ADRM1: variants seen among roughly 807,000 people sequenced by gnomAD.
The protein encoded by ADRM1 is proteasomal ubiquitin receptor ADRM1.
In ADRM1, 2 loss-of-function variants were observed where a neutral mutation model predicts 40.1. That is an observed-to-expected ratio of 0.05 (90% confidence interval 0.02 to 0.16). The LOEUF is 0.16. Among genes scored for constraint, ADRM1 ranks in the 10% least tolerant of loss-of-function variants. The probability of loss-of-function intolerance (pLI) is 1.00; values close to 1 mark genes in which losing one functional copy is unlikely to be tolerated. For synonymous variants in ADRM1, 287 were observed against 240.4 expected, an observed-to-expected ratio of 1.19 and a Z score of -1.79; for missense variants, 467 against 552.5, an observed-to-expected ratio of 0.85 and a Z score of 1.55.
chr20:62,308,172 C>A lies in ADRM1; in HGVS notation c.1008C>A (p.Phe336Leu). 6.2e-7 allele frequency: 1 copy of A among 1,602,550 alleles called. No homozygotes were observed. Among genetic ancestry groups the A allele is most frequent in the Non-Finnish European group, 8.5e-7 (1 of 1,178,038 alleles). Reference sequence around the variant, plus strand: ...AGAATACCCTGACCTCGCCCCAGTTCCAGCAGGTAGAGGCCGGGCCCAGGG... The same window carrying A: ...AGAATACCCTGACCTCGCCCCAGTTACAGCAGGTAGAGGCCGGGCCCAGGG... ...EIQNTLTSPQFQQALGMFSAA... is the reference protein window; with the variant it reads ...EIQNTLTSPQLQQALGMFSAA... Residue 336 changes from phenylalanine (F) to leucine (L), a missense_variant, in exon 8 of 10, where the codon TTC becomes TTA. Coordinates refer to ENST00000253003, the MANE Select transcript of ADRM1 (RefSeq NM_007002.4).
intron 2 of ADRM1, 55 bp downstream of exon 2, chr20:62,303,836 T>A (rs1984485102): frequency 1.3e-6 from 2 of 1,570,656 alleles, no homozygotes; most frequent in Non-Finnish European, 1.7e-6. Flanking sequence ...GCCCTCGGAG[T>A]CCTCGCTTTG....
chr20:62,305,050 A>G (rs1984695638), intron 3 of ADRM1, among the ~76,000 whole-genome samples: 2 of 152,250 alleles, frequency 1.3e-5, no homozygotes, highest in Admixed American at 1.3e-4. Context: ...CCACAGCTGC[A>G]GAGCGTCTTT....
At chr20:62,304,369 C>A (rs1984578815) in intron 2 of ADRM1, 92 bp from the exon 3 acceptor site, 1 of 1,113,970 alleles carries the variant, frequency 9.0e-7, no homozygotes, top group Non-Finnish European at 1.3e-6. Context: ...GCGCACCCCA[C>A]CCGGTTAGAC....
Position 62,308,311 on chromosome 20 carries a change from G to T in ADRM1, c.1015-57G>T, listed in dbSNP as rs1350329980. On this transcript the variant is annotated intron_variant, in intron 8 of 9. Coordinates refer to ENST00000253003, the MANE Select transcript of ADRM1 (RefSeq NM_007002.4). ...CCCGCAGAGCTGGCAGCTGAGCAGT[G>T]TGGCTCTGGGGTGCAGCCCGGGTTG... 3.2e-6 allele frequency: 5 copies of T among 1,552,206 alleles called. No homozygotes were observed. The East Asian group carries it at 1.2e-4, about 36-fold the overall frequency.
rs780652179 is a variant in ADRM1, at chr20:62,307,705, G to T, written c.733G>T (p.Ala245Ser). The T allele has an allele frequency of 1.2e-6, 2 of 1,612,042 alleles. No homozygotes were observed. The highest frequency in any genetic ancestry group is 1.7e-6 in the Non-Finnish European group (2 of 1,179,864). Residue 245 changes from alanine (A) to serine (S), a missense_variant, in exon 7 of 10, where the codon GCG becomes TCG. Around this residue, in one of 3 missense-constraint regions of ADRM1, gnomAD observed 418 missense variants for 474.6 expected, o/e 0.88. Coordinates refer to ENST00000253003, the MANE Select transcript of ADRM1 (RefSeq NM_007002.4). Reference protein sequence around the residue: ...AAASATSPSPAPSSGNGASTA... With the variant: ...AAASATSPSPSPSSGNGASTA... ...TGCCTCAGCAACTAGCCCGAGCCCC[G>T]CGCCCAGTTCCGGGAATGGAGCCAG... is the stretch of plus-strand genomic sequence containing the variant.
chr20:62,304,077 C>T (rs939064553), intron 2 of ADRM1: 17 of 513,032 alleles, frequency 3.3e-5, no homozygotes, highest in Admixed American at 2.1e-4. Context: ...GAGGTGTGGC[C>T]CTGGAGAGCC....
chr20:62,305,447 C>T (rs1477533133), intron 3 of ADRM1: 1 of 152,406 alleles, frequency 6.6e-6, no homozygotes, highest in African/African-American at 2.4e-5. Context: ...TCCAGTTAAA[C>T]TTTATTTGCA....
At position 62,306,020 on chromosome 20, in the gene ADRM1, C is replaced by T. The variant is rs186753714; in HGVS notation, c.331-177C>T. ...GGCGCAGAGCATCGTGCTCAGGAGG[C>T]GCCACTGCCGTCCCCTCACCTGCTG... On this transcript the variant is annotated intron_variant, in intron 3 of 9. Transcript: ENST00000253003. The T allele has an allele frequency of 6.6e-4, 490 of 740,624 alleles. 3 individuals are homozygous for T. The African/African-American group carries it at 7.2e-3, about 11-fold the overall frequency. The allele number at this position is 740,624 out of a possible 1,614,324, so 45.9% of individuals were successfully genotyped here.
chr20:62,306,456 C>A (rs1601238762), intron 4 of ADRM1, 136 bp downstream of exon 4: 2 of 1,428,924 alleles, frequency 1.4e-6, no homozygotes, highest in Non-Finnish European at 1.9e-6. Flanking sequence ...CTGTGAGCTC[C>A]CTGGGTCACT....
In ADRM1 at chr20:62,307,788, C is replaced by A; in HGVS notation, c.816C>A (p.Ala272=). 6.2e-7 allele frequency: 1 copy of A among 1,611,112 alleles called. No individual in the cohort carries two copies. The highest frequency in any genetic ancestry group is 8.5e-7 in the Non-Finnish European group (1 of 1,179,478). ...IQLSDLQSIL[A]TMNVPAGPAG... ...TGAGCGACCTCCAGAGCATCCTGGC[C>A]ACGATGAACGTACCAGCCGGGCCAG... The change falls in exon 7 of 10, where the codon GCC becomes GCA. Residue 272 remains alanine (A), a synonymous_variant. Transcript: ENST00000253003.
Position 62,307,837 on chromosome 20 carries a change from T to TG in ADRM1, c.856+10dup. 6.3e-7 allele frequency: 1 copy of TG among 1,591,482 alleles called. No individual in the cohort carries two copies. The highest frequency in any genetic ancestry group is 1.3e-5 in the African/African-American group (1 of 74,556). ...AGCAGGCGGCCAGCAAGGTAACGTG[T>TG]GCTGTCGCCTGGAGCTGGGTGGGGG... On this transcript the variant is annotated intron_variant, in intron 7 of 9. Coordinates refer to ENST00000253003, the MANE Select transcript of ADRM1 (RefSeq NM_007002.4).
rs769204846 is a variant in ADRM1 at position 62,306,751 on chromosome 20, G to A, written c.541+17G>A. 7 of 1,584,320 alleles carry A rather than the reference G, an allele frequency of 4.4e-6. No homozygotes were observed. Among genetic ancestry groups the A allele is most frequent in the South Asian group, 1.1e-5 (1 of 87,828 alleles). On this transcript the variant is annotated intron_variant, in intron 5 of 9. Transcript: ENST00000253003. ...GAGGACTGGGTAACGTGCGCCACCC[G>A]GGCTCTCGGGCAGCTTCTGCTGGGA...
chr20:62,308,719 G>GAAGGACACA lies in ADRM1; in HGVS notation c.1189_1190insCAAAGGACA (p.Thr394_Asp396dup), dbSNP rs1985578181. The GAAGGACACA allele has an allele frequency of 6.2e-7, 1 of 1,612,432 alleles. No individual in the cohort carries two copies. Among genetic ancestry groups the GAAGGACACA allele is most frequent in the Non-Finnish European group, 8.5e-7 (1 of 1,179,710 alleles). On this transcript the variant is annotated inframe_insertion, in exon 10 of 10. Transcript: ENST00000253003. ...AGCCCGAGCAGAAAGAGGGCGACAC[G>GAAGGACACA]AAGGACAAGAAGGACGAAGAGGAGG...
At chr20:62,305,771 C>T (rs1012456003) in intron 3 of ADRM1, 10 of 204,094 alleles carry the variant, frequency 4.9e-5, no homozygotes, top group Admixed American at 2.6e-4. Context: ...CGATTGTGAG[C>T]GCCTGCCGTG....
rs956433869 is a variant in ADRM1, at chr20:62,308,826, A to G, written c.*65A>G. On this transcript the variant is annotated 3_prime_UTR_variant, in exon 10 of 10. Coordinates refer to ENST00000253003, the MANE Select transcript of ADRM1 (RefSeq NM_007002.4). The stretch of plus-strand genomic sequence containing the variant: ...CGTTGCACACCCTCACCTCCCACCC[A>G]CTGATTATTAATAAAGTCTTTTCTT... 7.6e-6 allele frequency: 12 copies of G among 1,569,196 alleles called. No individual in the cohort carries two copies. The highest frequency in any genetic ancestry group is 1.9e-4 in the Middle Eastern group (1 of 5,390).
chr20:62,304,332 AG>A, intron 2 of ADRM1, 128 bp from the exon 3 acceptor site: 1 of 698,738 alleles, frequency 1.4e-6, no homozygotes. Context: ...CCTGCCAGCG[AG>A]GGGTCTGGCG....
Position 62,308,775 on chromosome 20 carries a change from C to G in ADRM1, c.*14C>G. The stretch of plus-strand genomic sequence containing the variant: ...AGCCTGGACTGAGCCACGCGCCGTC[C>G]TCCGAGGAACTGGGCGCTTGCAGTG... On this transcript the variant is annotated 3_prime_UTR_variant, in exon 10 of 10. Coordinates refer to ENST00000253003, the MANE Select transcript of ADRM1 (RefSeq NM_007002.4). The G allele has an allele frequency of 6.2e-7, 1 of 1,612,276 alleles. No homozygotes were observed. Among genetic ancestry groups the G allele is most frequent in the South Asian group, 1.1e-5 (1 of 90,974 alleles).
At chr20:62,306,555 C>A in intron 4 of ADRM1, 93 bp from the exon 5 acceptor site, 1 of 1,377,442 alleles carries the variant, frequency 7.3e-7, no homozygotes, top group Non-Finnish European at 1.0e-6. Context: ...TCAGGGGCAG[C>A]CGAGTGCGGT....
chr20:62,304,941 C>T (rs1984678362), intron 3 of ADRM1, among the ~76,000 whole-genome samples: 1 of 152,252 alleles, frequency 6.6e-6, no homozygotes, highest in Admixed American at 6.5e-5. Context: ...CTGGTGCTCA[C>T]AGAAACGAAG....
Sources: gnomAD v4.1 joint callset for allele counts (sites outside exome capture counted in the v4.1 genomes callset) on GRCh38, gnomAD v4.1.1 for gene constraint, gnomAD v4.1.1 regional missense constraint, MANE v1.5 for transcripts, NCBI Gene and HGNC (gene_info 2026-07-23, HGNC 2026-07-21) for gene names.